Variants in ADAMTSL1 observed in about 807,000 individuals in gnomAD.
ADAMTSL1 encodes the protein ADAMTS like 1.
ADAMTSL1 carries 126 observed loss-of-function variants against 201.8 expected under a neutral mutation model. The ratio of observed to expected loss-of-function variants is 0.62; its 90% CI spans 0.54 to 0.72. The LOEUF (loss-of-function observed/expected upper bound fraction) is 0.72, where lower values mean the gene tolerates loss of function less well. Among genes scored for constraint, ADAMTSL1 ranks in the 30% least tolerant of loss-of-function variants. The pLI is 0.00. For synonymous variants in ADAMTSL1, 1,121 were observed against 903.4 expected (o/e 1.24, Z -4.32); for missense variants, 2,679 against 2,277.8 (o/e 1.18, Z -3.59).
At chr9:18,451,044 G>A (rs1820385451) in intron 2 of ADAMTSL1, among the ~76,000 whole-genome samples, 1 of 152,160 alleles carries the variant, frequency 6.6e-6, no homozygotes, top group Non-Finnish European at 1.5e-5. Context: ...AAGACACCAA[G>A]GTAAGTTTCA....
chr9:18,586,190 A>T (rs1200402533), intron 4 of ADAMTSL1, among the ~76,000 whole-genome samples: 1 of 152,172 alleles, frequency 6.6e-6, no homozygotes, highest in Non-Finnish European at 1.5e-5. Flanking sequence ...CTAGAAAACC[A>T]CATGGGCTCA....
intron 1 of ADAMTSL1, among the ~76,000 whole-genome samples, chr9:18,042,834 A>G (rs1450671406): frequency 1.3e-5 from 2 of 152,170 alleles, no homozygotes; most frequent in Non-Finnish European, 2.9e-5. Context: ...TATGCAGTAC[A>G]GAATGATGAG....
chr9:18,091,382 C>A (rs1461821978), intron 1 of ADAMTSL1, among the ~76,000 whole-genome samples: 1 of 152,102 alleles, frequency 6.6e-6, no homozygotes, highest in African/African-American at 2.4e-5. Context: ...ATCAAGGAGG[C>A]AAGTCTTTGA....
intron 2 of ADAMTSL1, among the ~76,000 whole-genome samples, chr9:18,321,361 C>G (rs531936668): frequency 1.1e-4 from 16 of 152,146 alleles, no homozygotes; most frequent in Non-Finnish European, 5.9e-5. Context: ...ACATGGTTGA[C>G]GATTTTTAAA....
intron 1 of ADAMTSL1, among the ~76,000 whole-genome samples, chr9:18,153,539 C>T (rs1370577368): frequency 6.6e-6 from 1 of 151,946 alleles, no homozygotes; most frequent in East Asian, 1.9e-4. Context: ...GAGCTTAAAG[C>T]CTCATGGTCA....
intron 2 of ADAMTSL1, among the ~76,000 whole-genome samples, chr9:18,287,581 ATG>A (rs959888778): frequency 2.6e-4 from 38 of 145,938 alleles, no homozygotes; most frequent in Admixed American, 1.1e-3. Context: ...ATGTAAATAT[ATG>A]TGTATATATA....
chr9:17,970,119 A>G (rs990305737), intron 1 of ADAMTSL1, among the ~76,000 whole-genome samples: 1 of 151,888 alleles, frequency 6.6e-6, no homozygotes, highest in Non-Finnish European at 1.5e-5. Flanking sequence ...TTTCCTCTTA[A>G]TGGGGCCTCA....
intron 1 of ADAMTSL1, among the ~76,000 whole-genome samples, chr9:18,059,375 A>C (rs942231066): frequency 2.6e-5 from 4 of 152,146 alleles, no homozygotes; most frequent in Non-Finnish European, 2.9e-5. Flanking sequence ...CATTTTTGAT[A>C]ATTTCATGTC....
intron 1 of ADAMTSL1, among the ~76,000 whole-genome samples, chr9:18,138,081 G>T (rs1445169918): frequency 2.0e-5 from 3 of 152,106 alleles, no homozygotes; most frequent in Non-Finnish European, 4.4e-5. Context: ...GCCACTTGCT[G>T]GCCGCATGTT....
At chr9:18,411,867 A>T (rs1422059699) in intron 2 of ADAMTSL1, among the ~76,000 whole-genome samples, 1 of 152,190 alleles carries the variant, frequency 6.6e-6, no homozygotes, top group Non-Finnish European at 1.5e-5. Flanking sequence ...ATATAATCTA[A>T]TACCTATTTT....
At chr9:18,126,051 A>G (rs1196619502) in intron 1 of ADAMTSL1, among the ~76,000 whole-genome samples, 1 of 152,230 alleles carries the variant, frequency 6.6e-6, no homozygotes, top group Non-Finnish European at 1.5e-5. Flanking sequence ...CAACACCGTC[A>G]TGGAGCTGAC....
intron 27 of ADAMTSL1, 63 bp from the exon 28 acceptor site, chr9:18,906,629 C>T: frequency 7.4e-7 from 1 of 1,345,238 alleles, no homozygotes; most frequent in Non-Finnish European, 1.0e-6. Flanking sequence ...GCACTATTTT[C>T]ACATCTGCCC....
At chr9:18,694,041 G>T (rs552517500) in intron 13 of ADAMTSL1, among the ~76,000 whole-genome samples, 55 of 152,152 alleles carry the variant, frequency 3.6e-4, no homozygotes, top group Non-Finnish European at 7.2e-4. Context: ...GGGGAAGCAG[G>T]CACATCTTAC....
intron 1 of ADAMTSL1, among the ~76,000 whole-genome samples, chr9:17,986,835 T>C (rs1818947259): frequency 6.6e-6 from 1 of 152,106 alleles, no homozygotes; most frequent in African/African-American, 2.4e-5. Context: ...GTGCAAACAT[T>C]ACCTCATACT....
At chr9:18,337,051 G>A (rs1392924315) in intron 2 of ADAMTSL1, among the ~76,000 whole-genome samples, 3 of 152,194 alleles carry the variant, frequency 2.0e-5, no homozygotes, top group East Asian at 3.9e-4. Flanking sequence ...TTGATCCTAG[G>A]TGTGTCTGTG....
intron 1 of ADAMTSL1, among the ~76,000 whole-genome samples, chr9:17,975,488 T>C (rs543183684): frequency 4.6e-5 from 7 of 152,146 alleles, no homozygotes; most frequent in African/African-American, 1.7e-4. Context: ...AGAGCACTAA[T>C]ACCATTCGTG....
chr9:18,221,146 C>G (rs989866827), intron 2 of ADAMTSL1, among the ~76,000 whole-genome samples: 1 of 152,160 alleles, frequency 6.6e-6, no homozygotes, highest in African/African-American at 2.4e-5. Context: ...ATGCCTTCCT[C>G]CTGAAAGGCT....
chr9:18,473,696 A>G (rs964792468), upstream of ADAMTSL1, among the ~76,000 whole-genome samples: 4 of 152,180 alleles, frequency 2.6e-5, no homozygotes, highest in African/African-American at 9.7e-5. Context: ...CCTTTATGGC[A>G]TATGTTATAT....
At chr9:18,853,858 T>C (rs1826661742) in intron 23 of ADAMTSL1, among the ~76,000 whole-genome samples, 1 of 151,564 alleles carries the variant, frequency 6.6e-6, no homozygotes, top group Non-Finnish European at 1.5e-5. Flanking sequence ...AGTCCAGTAC[T>C]TGGCCTGTGG....
Sources: allele counts gnomAD v4.1 joint callset (sites outside exome capture counted in the v4.1 genomes callset), GRCh38; gene constraint gnomAD v4.1.1; transcripts MANE v1.5; gene names NCBI Gene and HGNC (gene_info 2026-07-23, HGNC 2026-07-21).